The following ANKFN1 variants were observed in gnomAD, a reference collection of about 807,000 sequenced individuals.
ANKFN1 encodes ankyrin repeat and fibronectin type-III domain-containing protein 1.
Under a neutral mutation model 108.7 loss-of-function variants are expected in ANKFN1, and 74 were observed. The observed-to-expected ratio is 0.68, with a 90% CI of 0.56 to 0.83. The LOEUF (loss-of-function observed/expected upper bound fraction) is 0.83. Among genes scored for constraint, ANKFN1 ranks in the 40% least tolerant of loss-of-function variants. The pLI is 0.00. For missense variants in ANKFN1, 1,505 were observed against 1,382.3 expected (o/e 1.09, Z -1.41); for synonymous variants, 547 against 516.2 (o/e 1.06, Z -0.81).
At chr17:56,447,957 T>A (rs1161978754) in intron 10 of ANKFN1, among the ~76,000 whole-genome samples, 1 of 152,220 alleles carries the variant, frequency 6.6e-6, no homozygotes, top group African/African-American at 2.4e-5. Flanking sequence ...TGCCTGGGCC[T>A]TGGATGAACC....
At chr17:56,158,299 C>T (rs1036309133) in intron 1 of ANKFN1, among the ~76,000 whole-genome samples, 5 of 152,156 alleles carry the variant, frequency 3.3e-5, no homozygotes, top group Non-Finnish European at 5.9e-5. Context: ...CAATCCAGTT[C>T]CAACATGGGC....
intron 4 of ANKFN1, among the ~76,000 whole-genome samples, chr17:56,100,766 A>G (rs1402266490): frequency 3.3e-5 from 5 of 152,114 alleles, no homozygotes. Flanking sequence ...CTTAAAGAAA[A>G]AGTCTATTCT....
chr17:56,494,436 G>A (rs2051133312), intron 19 of ANKFN1, among the ~76,000 whole-genome samples: 1 of 152,060 alleles, frequency 6.6e-6, no homozygotes, highest in Admixed American at 6.6e-5. Context: ...AAGGATAGTG[G>A]AGCATAGTAA....
chr17:56,433,186 T>C (rs1238091897), intron 8 of ANKFN1, among the ~76,000 whole-genome samples: 1 of 152,134 alleles, frequency 6.6e-6, no homozygotes, highest in African/African-American at 2.4e-5. Flanking sequence ...AATGCTTTTA[T>C]TTTTGTTGAA....
At chr17:56,189,179 T>TTTTTTTTTTTTTTTTTTTTTTTTTTTTTG (rs1244013476) in intron 1 of ANKFN1, among the ~76,000 whole-genome samples, 2 of 111,398 alleles carry the variant, frequency 1.8e-5, no homozygotes, top group Non-Finnish European at 3.3e-5. Context: ...ACTTTTTTTT[T>TTTTTTTTTTTTTTTTTTTTTTTTTTTTTG]TTTTTTTTTG....
At chr17:56,365,235 G>C (rs2046628097) in intron 6 of ANKFN1, among the ~76,000 whole-genome samples, 1 of 152,114 alleles carries the variant, frequency 6.6e-6, no homozygotes, top group African/African-American at 2.4e-5. Context: ...GGTTGAAATT[G>C]ATATCACTTG....
Position 56,423,611 on chromosome 17 carries a change from C to A in ANKFN1, c.911-16716C>A, listed in dbSNP as rs527275153. 3.0e-4 allele frequency among the ~76,000 whole-genome samples: 46 copies of A among 152,162 alleles called. 1 individual carries two copies. Among genetic ancestry groups the A allele is most frequent in the African/African-American group, 1.1e-3 (45 of 41,484 alleles). ...ACATCCATTTTTTCACATGATTGTG[C>A]CCAAATTTTTCAGCTCTCAATCTCT... On this transcript the variant is annotated intron_variant, in intron 8 of 20. Coordinates refer to ENST00000682825, the MANE Select transcript of ANKFN1 (RefSeq NM_001370326.1).
chr17:56,055,946 TTTTAA>T (rs1904869114), intron 4 of ANKFN1, among the ~76,000 whole-genome samples: 1 of 152,064 alleles, frequency 6.6e-6, no homozygotes, highest in Admixed American at 6.6e-5. Flanking sequence ...CTCATTGTGG[TTTTAA>T]TTTGTGTTTC....
At chr17:56,270,560 C>A (rs2043766388) in intron 3 of ANKFN1, among the ~76,000 whole-genome samples, 1 of 152,178 alleles carries the variant, frequency 6.6e-6, no homozygotes, top group Non-Finnish European at 1.5e-5. Flanking sequence ...CTCTTGACTT[C>A]CTTCATCCCA....
rs1450733382 is a variant in ANKFN1, at chr17:56,513,316, C to A, written c.*2047C>A. Among the ~76,000 whole-genome samples the A allele has an allele frequency of 1.3e-5, 2 of 152,138 alleles. No individual in the cohort carries two copies. The highest frequency in any genetic ancestry group is 2.9e-5 in the Non-Finnish European group (2 of 68,036). Reference sequence around the variant, plus strand: ...TCCAATATTACAGAGCTGCTTGTTGCCAAGGAATACAGACTTCATGTAATA... The same window carrying A: ...TCCAATATTACAGAGCTGCTTGTTGACAAGGAATACAGACTTCATGTAATA... On this transcript the variant is annotated 3_prime_UTR_variant, in exon 21 of 21. Transcript: ENST00000682825.
intron 8 of ANKFN1, among the ~76,000 whole-genome samples, chr17:56,437,833 A>G (rs1254316683): frequency 6.6e-6 from 1 of 152,168 alleles, no homozygotes; most frequent in Non-Finnish European, 1.5e-5. Flanking sequence ...GACCGATTTG[A>G]GTTAATATAT....
chr17:56,391,212 C>CATATATATATATATATATATAT (rs202114506), intron 8 of ANKFN1, among the ~76,000 whole-genome samples: 3 of 121,404 alleles, frequency 2.5e-5, no homozygotes, highest in African/African-American at 1.2e-4. Flanking sequence ...CCCAAGAATA[C>CATATATATATATATATATATAT]ATATATATAT....
chr17:56,498,229 G>A (rs1275643236), intron 19 of ANKFN1, among the ~76,000 whole-genome samples: 1 of 152,064 alleles, frequency 6.6e-6, no homozygotes, highest in Admixed American at 6.6e-5. Context: ...AAAGTAGTAA[G>A]TCTAATATAT....
At chr17:56,378,539 A>T (rs2047002961) in intron 8 of ANKFN1, among the ~76,000 whole-genome samples, 1 of 152,218 alleles carries the variant, frequency 6.6e-6, no homozygotes, top group South Asian at 2.1e-4. Context: ...TGTTTAATTA[A>T]TTGAAGGACT....
At chr17:56,401,932 C>G (rs2047777605) in intron 8 of ANKFN1, among the ~76,000 whole-genome samples, 1 of 152,060 alleles carries the variant, frequency 6.6e-6, no homozygotes, top group African/African-American at 2.4e-5. Flanking sequence ...AATGTTTTTT[C>G]TGCATCTATT....
At chr17:56,499,973 G>A (rs1429235442) in intron 20 of ANKFN1, among the ~76,000 whole-genome samples, 1 of 152,138 alleles carries the variant, frequency 6.6e-6, no homozygotes, top group African/African-American at 2.4e-5. Flanking sequence ...CTGATTTGTG[G>A]ATTTGTCCCA....
intron 4 of ANKFN1, among the ~76,000 whole-genome samples, chr17:56,060,215 G>A (rs1904949051): frequency 6.6e-6 from 1 of 152,092 alleles, no homozygotes; most frequent in Non-Finnish European, 1.5e-5. Context: ...GTTCATTCAT[G>A]ATTTGGCTCT....
chr17:56,217,011 A>T (rs959637630), intron 2 of ANKFN1, among the ~76,000 whole-genome samples: 1 of 152,248 alleles, frequency 6.6e-6, no homozygotes, highest in African/African-American at 2.4e-5. Context: ...TATAAGCTTA[A>T]ACCCCACACT....
At chr17:56,399,630 T>C (rs2047689949) in intron 8 of ANKFN1, among the ~76,000 whole-genome samples, 1 of 151,812 alleles carries the variant, frequency 6.6e-6, no homozygotes, top group African/African-American at 2.4e-5. Flanking sequence ...CTCGCCCCTC[T>C]CCCACTCTTC....
Sources: allele counts gnomAD v4.1 joint callset (sites outside exome capture counted in the v4.1 genomes callset), GRCh38; gene constraint gnomAD v4.1.1; transcripts MANE v1.5; gene names NCBI Gene and HGNC (gene_info 2026-07-23, HGNC 2026-07-21).